The following ESRRG variants were observed in gnomAD, a reference collection of about 807,000 sequenced individuals.
The protein encoded by ESRRG is estrogen-related receptor gamma.
A neutral mutation model predicts 44.0 loss-of-function variants in ESRRG; 13 were observed. That is an observed-to-expected ratio of 0.30 (90% CI 0.19 to 0.47). The LOEUF (loss-of-function observed/expected upper bound fraction) is 0.47, where lower values mean the gene tolerates loss of function less well. ESRRG is among the 20% of genes least tolerant of loss of function. The pLI is 1.00. For missense variants in ESRRG, 395 were observed against 580.6 expected (o/e 0.68, Z 3.29); for synonymous variants, 215 against 214.6 (o/e 1.00, Z -0.02).
chr1:216,683,549 G>A (rs917103794), intron 1 of ESRRG, among the ~76,000 whole-genome samples: 1 of 152,312 alleles, frequency 6.6e-6, no homozygotes, highest in South Asian at 2.1e-4. Flanking sequence ...GCTGACAAGA[G>A]ATAGAGCTAT....
intron 1 of ESRRG, among the ~76,000 whole-genome samples, chr1:217,048,321 C>T (rs914168889): frequency 2.0e-5 from 3 of 152,076 alleles, no homozygotes; most frequent in African/African-American, 7.2e-5. Flanking sequence ...AGATGGAACA[C>T]GGAGTCAGAC....
intron 2 of ESRRG, among the ~76,000 whole-genome samples, chr1:216,890,266 A>AAAAAAT (rs76282591): frequency 9.9e-5 from 15 of 152,168 alleles, no homozygotes; most frequent in Admixed American, 7.9e-4. Context: ...CCCTGTCTCA[A>AAAAAAT]AAAAATAAAA....
At chr1:217,010,740 C>T (rs2078442556) in intron 1 of ESRRG, among the ~76,000 whole-genome samples, 1 of 151,974 alleles carries the variant, frequency 6.6e-6, no homozygotes, top group Non-Finnish European at 1.5e-5. Context: ...TCTGAAGAGG[C>T]CAAGAGACTT....
intron 3 of ESRRG, among the ~76,000 whole-genome samples, chr1:216,590,562 T>A (rs2057476023): frequency 3.3e-5 from 5 of 152,210 alleles, no homozygotes; most frequent in Admixed American, 3.3e-4. Context: ...TCTTACACCC[T>A]GAAAAATTGT....
intron 2 of ESRRG, among the ~76,000 whole-genome samples, chr1:216,653,204 C>T (rs2069459465): frequency 6.6e-6 from 1 of 152,160 alleles, no homozygotes; most frequent in South Asian, 2.1e-4. Context: ...CCATCCTTCA[C>T]ATCAACAAAC....
At chr1:216,882,410 C>A (rs2096460660) in intron 2 of ESRRG, among the ~76,000 whole-genome samples, 1 of 152,090 alleles carries the variant, frequency 6.6e-6, no homozygotes, top group African/African-American at 2.4e-5. Flanking sequence ...AGGAGAACAG[C>A]AAAGCACTGT....
intron 3 of ESRRG, among the ~76,000 whole-genome samples, chr1:216,621,505 C>T (rs1204452613): frequency 5.9e-5 from 9 of 152,142 alleles, no homozygotes; most frequent in African/African-American, 2.2e-4. Flanking sequence ...GGTAAAGCCA[C>T]GCCCCTTAGA....
chr1:216,986,980 T>G (rs148302539), intron 1 of ESRRG, among the ~76,000 whole-genome samples: 1 of 152,340 alleles, frequency 6.6e-6, no homozygotes, highest in African/African-American at 2.4e-5. Flanking sequence ...AGACTAAATT[T>G]TCTTTCTATT....
At chr1:216,838,214 T>C (rs1559822757) in intron 2 of ESRRG, among the ~76,000 whole-genome samples, 1 of 152,234 alleles carries the variant, frequency 6.6e-6, no homozygotes, top group African/African-American at 2.4e-5. Flanking sequence ...GAGATCATTA[T>C]GTGTTTACTC....
At position 216,610,430 on chromosome 1, in the gene ESRRG, G is replaced by A. The variant is rs565875085; in HGVS notation, c.589+40543C>T. ...GAAGGCATTTGAAGAATATTTAAAGGAACATTTTTTTTTCCATTTGACTTA... is the reference window on the plus strand; with the variant it reads ...GAAGGCATTTGAAGAATATTTAAAGAAACATTTTTTTTTCCATTTGACTTA... On this transcript the variant is annotated intron_variant, in intron 3 of 6. Transcript: ENST00000408911. Among the ~76,000 whole-genome samples the A allele has an allele frequency of 1.5e-4, 23 of 152,198 alleles. No individual in the cohort carries two copies. In the South Asian group the frequency reaches 2.7e-3, roughly 18 times the overall value.
intron 2 of ESRRG, among the ~76,000 whole-genome samples, chr1:216,754,634 T>G (rs1463951426): frequency 6.6e-6 from 1 of 151,942 alleles, no homozygotes; most frequent in Non-Finnish European, 1.5e-5. Flanking sequence ...ATATATTTAT[T>G]TCAGTCACTA....
At chr1:216,737,689 G>A (rs2090127920) in intron 2 of ESRRG, among the ~76,000 whole-genome samples, 1 of 151,868 alleles carries the variant, frequency 6.6e-6, no homozygotes, top group Non-Finnish European at 1.5e-5. Flanking sequence ...AATCCTGGCT[G>A]TACAGACTGT....
chr1:216,871,804 A>G (rs2096263475), intron 2 of ESRRG, among the ~76,000 whole-genome samples: 4 of 152,044 alleles, frequency 2.6e-5, no homozygotes, highest in Admixed American at 2.0e-4. Flanking sequence ...CTATCATTCA[A>G]TGTTAAATGT....
At chr1:217,095,392 C>A (rs2092408317) in intron 1 of ESRRG, among the ~76,000 whole-genome samples, 1 of 152,282 alleles carries the variant, frequency 6.6e-6, no homozygotes, top group East Asian at 1.9e-4. Flanking sequence ...TTTGTTTAAG[C>A]CAGTTGGGCA....
intron 1 of ESRRG, among the ~76,000 whole-genome samples, chr1:217,041,445 C>A (rs187899114): frequency 6.6e-6 from 1 of 152,214 alleles, no homozygotes; most frequent in East Asian, 1.9e-4. Flanking sequence ...ATATATCCAT[C>A]CACAAATAAT....
chr1:216,987,640 T>A (rs2075080943), intron 1 of ESRRG, among the ~76,000 whole-genome samples: 1 of 152,234 alleles, frequency 6.6e-6, no homozygotes, highest in Admixed American at 6.5e-5. Flanking sequence ...GTCTACCCTA[T>A]GAGCTTAAGT....
intron 2 of ESRRG, among the ~76,000 whole-genome samples, chr1:216,668,637 A>T (rs1366186375): frequency 2.0e-5 from 3 of 152,116 alleles, no homozygotes; most frequent in Non-Finnish European, 4.4e-5. Flanking sequence ...CAACCCAAAG[A>T]TCTTTTTTCA....
chr1:217,102,145 TAA>T (rs2092524738), intron 1 of ESRRG, among the ~76,000 whole-genome samples: 2 of 152,348 alleles, frequency 1.3e-5, no homozygotes, highest in South Asian at 4.1e-4. Context: ...ATTCCAGATT[TAA>T]ACACTGCACA....
Position 216,677,232 on chromosome 1 carries a change from T to A in ESRRG, c.316A>T (p.Ser106Cys). ...PVRKLYDDCS[S>C]TIVEDPQTKC... ...GTCTGGGGATCTTCAACAATGGTGCTGGAGCAGTCATCATACAGTTTCCTG... is the reference window on the plus strand; with the variant it reads ...GTCTGGGGATCTTCAACAATGGTGCAGGAGCAGTCATCATACAGTTTCCTG... Residue 106 changes from serine (S) to cysteine (C), a missense_variant, in exon 2 of 7, where the codon AGC becomes TGC. Physicochemically the swap from Ser to Cys is moderately radical, Grantham distance 112. Transcript: ENST00000408911. 6.2e-7 allele frequency: 1 copy of A among 1,614,174 alleles called. No individual in the cohort carries two copies. The highest frequency in any genetic ancestry group is 8.5e-7 in the Non-Finnish European group (1 of 1,180,024).
Sources: allele counts gnomAD v4.1 joint callset (sites outside exome capture counted in the v4.1 genomes callset), GRCh38; gene constraint gnomAD v4.1.1; transcripts MANE v1.5; gene names NCBI Gene and HGNC (gene_info 2026-07-23, HGNC 2026-07-21).